Variants in RBM34 observed in about 807,000 individuals in gnomAD.
The protein encoded by RBM34 is RNA binding motif protein 34, also known as RNA-binding protein 34.
A neutral mutation model predicts 44.6 loss-of-function variants in RBM34; 39 were observed. That is an observed-to-expected ratio of 0.87 (90% CI 0.68 to 1.14). The LOEUF is 1.14. Ranked by LOEUF, RBM34 falls within the 50% of genes most tolerant of loss-of-function variation. The probability of loss-of-function intolerance (pLI) is 0.00; values close to 1 mark genes in which losing one functional copy is unlikely to be tolerated. For missense variants in RBM34, 572 were observed against 517.9 expected, an observed-to-expected ratio of 1.10 and a Z score of -1.01; for synonymous variants, 194 against 184.0, an observed-to-expected ratio of 1.05 and a Z score of -0.44.
At chr1:235,139,427 T>A (rs1661579946) in intron 6 of RBM34, among the ~76,000 whole-genome samples, 1 of 152,238 alleles carries the variant, frequency 6.6e-6, no homozygotes, top group Non-Finnish European at 1.5e-5. Context: ...CACGGTGTTT[T>A]TTTTCTGATT....
intron 3 of RBM34, among the ~76,000 whole-genome samples, chr1:235,158,201 G>A (rs967076449): frequency 6.6e-6 from 1 of 152,032 alleles, no homozygotes; most frequent in Non-Finnish European, 1.5e-5. Context: ...GATCACCTGA[G>A]GTCAGGAGTT....
intron 3 of RBM34, chr1:235,156,559 C>T: frequency 2.4e-6 from 1 of 418,008 alleles, no homozygotes; most frequent in South Asian, 1.9e-5. Flanking sequence ...AGATTCCCTA[C>T]TTCTAATACT....
intron 6 of RBM34, among the ~76,000 whole-genome samples, chr1:235,145,358 G>C (rs530638982): frequency 6.6e-6 from 1 of 151,400 alleles, no homozygotes; most frequent in South Asian, 2.1e-4. Context: ...GTTCACTGCA[G>C]CCTCCATTCT....
At chr1:235,138,251 A>G in intron 6 of RBM34, 77 bp from the exon 7 acceptor site, 1 of 1,212,466 alleles carries the variant, frequency 8.2e-7, no homozygotes, top group Non-Finnish European at 1.2e-6. Context: ...ACTAGAAAAA[A>G]ATCTAGCTGT....
At chr1:235,134,031 A>G (rs1420520404) in intron 10 of RBM34, among the ~76,000 whole-genome samples, 1 of 151,804 alleles carries the variant, frequency 6.6e-6, no homozygotes, top group African/African-American at 2.4e-5. Context: ...CTAGATTTTT[A>G]TTTTTTAATT....
chr1:235,144,104 G>C (rs1661800450), intron 6 of RBM34, among the ~76,000 whole-genome samples: 1 of 151,986 alleles, frequency 6.6e-6, no homozygotes, highest in South Asian at 2.1e-4. Context: ...TTGAGCCCAG[G>C]TGATAAGGCT....
rs370921981 is a variant in RBM34 at position 235,160,899 on chromosome 1, C to T, written c.222G>A (p.Val74=). Residue 74 remains valine (V), a synonymous_variant, in exon 2 of 11, where the codon GTG becomes GTA. Transcript: ENST00000408888. ...AGAAAGCCCAGTGACTTACTTTAGG[C>T]ACAGGCACGTACACGGGTTGAATCT... ...EPQIQPVYVP[V]PKQTIKKTKR... The T allele has an allele frequency of 1.1e-4, 183 of 1,613,928 alleles. No homozygotes were observed. The African/African-American group carries it at 1.8e-3, about 16-fold the overall frequency.
chr1:235,151,054 G>C (rs577731403), intron 5 of RBM34, among the ~76,000 whole-genome samples: 56 of 152,304 alleles, frequency 3.7e-4, no homozygotes, highest in African/African-American at 1.3e-3. Context: ...CAAATTAGAG[G>C]AAGACTGAAG....
At chr1:235,148,304 A>G (rs1661996682) in intron 6 of RBM34, 100 bp downstream of exon 6, 3 of 839,678 alleles carry the variant, frequency 3.6e-6, no homozygotes, top group Admixed American at 6.0e-5. Flanking sequence ...TTATCCAAAT[A>G]TATTAATAAA....
intron 3 of RBM34, among the ~76,000 whole-genome samples, chr1:235,159,216 AAAAAAAAAAAAAAGTTAATGAGGG>A (rs1662582535): frequency 1.3e-5 from 2 of 151,324 alleles, no homozygotes; most frequent in South Asian, 4.2e-4. Context: ...TTGTCTCAAA[AAAAAAAAAAAAAAGTTAATGAGGG>A]AAATGAATAA....
In RBM34 at chr1:235,131,478, A is replaced by G. The variant is rs1661193536; in HGVS notation, c.*235T>C. The stretch of plus-strand genomic sequence containing the variant: ...AGCCAAGATCACGCCACTGCACTCC[A>G]GCCTGGGAGACAACAGCCAAACTCC... On this transcript the variant is annotated 3_prime_UTR_variant, in exon 11 of 11. Coordinates refer to ENST00000408888, the MANE Select transcript of RBM34 (RefSeq NM_015014.4). 2.3e-6 allele frequency: 1 copy of G among 429,784 alleles called. No homozygotes were observed. The highest frequency in any genetic ancestry group is 3.9e-5 in the East Asian group (1 of 25,378). The allele number at this position is 429,784 out of a possible 1,614,324, so 26.6% of individuals were successfully genotyped here.
At chr1:235,147,597 T>C (rs953019473) in intron 6 of RBM34, among the ~76,000 whole-genome samples, 5 of 152,244 alleles carry the variant, frequency 3.3e-5, no homozygotes, top group East Asian at 1.9e-4. Context: ...GTGATGGTTA[T>C]GAGGAAAAAC....
At chr1:235,147,848 G>A (rs191152113) in intron 6 of RBM34, among the ~76,000 whole-genome samples, 211 of 152,150 alleles carry the variant, frequency 1.4e-3, no homozygotes, top group Middle Eastern at 0.014. Flanking sequence ...ATAGGAAACC[G>A]GCATAAAGCT....
In RBM34 at chr1:235,144,224, C is replaced by T. The variant is rs137880167; in HGVS notation, c.701+4180G>A. Reference sequence around the variant, plus strand: ...AAAAACAAACCTCAAAATCATTATGCTGAGCAAATTAGACAAGAGTATATC... The same window carrying T: ...AAAAACAAACCTCAAAATCATTATGTTGAGCAAATTAGACAAGAGTATATC... On this transcript the variant is annotated intron_variant, in intron 6 of 10. Coordinates refer to ENST00000408888, the MANE Select transcript of RBM34 (RefSeq NM_015014.4). Among the ~76,000 whole-genome samples, 495 of 152,194 alleles carry T rather than the reference C, an allele frequency of 3.3e-3. 4 individuals carry two copies. The highest frequency in any genetic ancestry group is 0.011 in the African/African-American group (466 of 41,524).
rs1231632833 is a variant in RBM34, at chr1:235,137,930, G to A, written c.796C>T (p.Gln266Ter). Residue 266 changes from glutamine (Q) to a stop codon, truncating the protein, a stop_gained, in exon 8 of 11, where the codon CAG (glutamine) becomes TAG (stop). Transcript: ENST00000408888. LOFTEE classifies it high-confidence loss of function. The part of the protein sequence containing the change: ...ATQALKRNGA[Q>*]IADGFRIRVD... ...CTAATACGAAATCCATCTGCAATCT[G>A]GGCCCCATTTCTGTATTATAAATAC... The A allele has an allele frequency of 1.2e-6, 2 of 1,603,878 alleles. No individual in the cohort carries two copies. Among genetic ancestry groups the A allele is most frequent in the Middle Eastern group, 1.7e-4 (1 of 6,020 alleles).
chr1:235,156,539 A>G, intron 3 of RBM34: 1 of 402,362 alleles, frequency 2.5e-6, no homozygotes, highest in Non-Finnish European at 5.0e-6. Context: ...TATGGCTGAT[A>G]GGAAAAACCA....
At chr1:235,147,160 G>A (rs1461573695) in intron 6 of RBM34, among the ~76,000 whole-genome samples, 2 of 152,162 alleles carry the variant, frequency 1.3e-5, no homozygotes, top group Non-Finnish European at 2.9e-5. Context: ...GAGCCCAAAA[G>A]TTTAAGGCTA....
rs1662705270 is a variant in RBM34, at chr1:235,161,174, C to G, written c.53G>C (p.Gly18Ala). 5 of 1,598,128 alleles carry G rather than the reference C, an allele frequency of 3.1e-6. No individual in the cohort carries two copies. Among genetic ancestry groups the G allele is most frequent in the Non-Finnish European group, 4.3e-6 (5 of 1,168,988 alleles). The change falls in exon 1 of 11, where the codon GGA (glycine) becomes GCA (alanine). Residue 18 changes from glycine to alanine, a missense_variant and splice_region_variant. Physicochemically the swap from Gly to Ala is moderately conservative, Grantham distance 60. Transcript: ENST00000408888. ...KRKRKRSVQE[G>A]ENPDDGVRGS... ...GGTACTCGTGCCGCGCGCCACTCAC[C>G]CCTCCTGGACACTTCTCTTTCTCTT...
In RBM34 at chr1:235,131,685, C is replaced by T. The variant is rs1009008980; in HGVS notation, c.*28G>A. 32 of 1,568,176 alleles carry T rather than the reference C, an allele frequency of 2.0e-5. No individual in the cohort carries two copies. Among genetic ancestry groups the T allele is most frequent in the Non-Finnish European group, 2.6e-5 (30 of 1,162,324 alleles). On this transcript the variant is annotated 3_prime_UTR_variant, in exon 11 of 11. Transcript: ENST00000408888. ...TAGCACTTTTATTAGCAGTACTCAG[C>T]AGGAAAAGAAAAAGCAGTTCCTGGT...
Sources: gnomAD v4.1 joint callset for allele counts (sites outside exome capture counted in the v4.1 genomes callset) on GRCh38, gnomAD v4.1.1 for gene constraint, MANE v1.5 for transcripts, NCBI Gene and HGNC (gene_info 2026-07-23, HGNC 2026-07-21) for gene names.